The following AHI1 variants were observed in gnomAD, a reference collection of about 807,000 sequenced individuals.
AHI1 encodes jouberin.
In AHI1, 123 loss-of-function variants were observed where a neutral mutation model predicts 149.3. That is an observed-to-expected ratio of 0.82 (90% CI 0.71 to 0.96). AHI1 has a LOEUF of 0.96. Ranked by LOEUF, AHI1 falls within the 40% of genes least tolerant of loss-of-function variation. The pLI is 0.00. For synonymous variants in AHI1, 475 were observed against 459.8 expected (o/e 1.03, Z -0.42); for missense variants, 1,439 against 1,422.7 (o/e 1.01, Z -0.18).
At chr6:135,342,811 CAT>C (rs1409805628) in intron 24 of AHI1, among the ~76,000 whole-genome samples, 1 of 151,658 alleles carries the variant, frequency 6.6e-6, no homozygotes, top group Admixed American at 6.6e-5. Context: ...CACACACACA[CAT>C]ACATAACAGC....
In AHI1 at chr6:135,444,524, T is replaced by G. The variant is rs115259849; in HGVS notation, c.1780-1810A>C. On this transcript the variant is annotated intron_variant, in intron 13 of 28. Transcript: ENST00000265602. ...ATGAAATACCCGCCCTTGTCCCTCC[T>G]TCACTCACCCCTACCTTGAGCATCC... Among the ~76,000 whole-genome samples the G allele has an allele frequency of 5.9e-3, 906 of 152,280 alleles. 13 individuals carry two copies. Among genetic ancestry groups the G allele is most frequent in the African/African-American group, 0.021 (863 of 41,560 alleles).
At chr6:135,402,887 G>A (rs1431982643) in intron 22 of AHI1, among the ~76,000 whole-genome samples, 1 of 152,090 alleles carries the variant, frequency 6.6e-6, no homozygotes, top group Non-Finnish European at 1.5e-5. Context: ...CAGGCGATGA[G>A]TACTTATTTT....
chr6:135,313,966 C>T (rs960134343), intron 26 of AHI1, among the ~76,000 whole-genome samples: 4 of 152,190 alleles, frequency 2.6e-5, no homozygotes, highest in Non-Finnish European at 2.9e-5. Flanking sequence ...CTGTATGTTT[C>T]ATAGCATCAC....
At chr6:135,423,545 T>G (rs1783516620) in intron 20 of AHI1, among the ~76,000 whole-genome samples, 1 of 152,180 alleles carries the variant, frequency 6.6e-6, no homozygotes, top group African/African-American at 2.4e-5. Flanking sequence ...TAATATGAAT[T>G]GTGTTAATAA....
chr6:135,386,539 T>C (rs966885076), intron 23 of AHI1, among the ~76,000 whole-genome samples: 1 of 152,196 alleles, frequency 6.6e-6, no homozygotes, highest in Non-Finnish European at 1.5e-5. Context: ...CTCGATCTCC[T>C]GACCTTGTGA....
At chr6:135,380,482 G>C (rs1294758654) in intron 23 of AHI1, among the ~76,000 whole-genome samples, 1 of 151,994 alleles carries the variant, frequency 6.6e-6, no homozygotes, top group Non-Finnish European at 1.5e-5. Flanking sequence ...ATCTACAAAG[G>C]GTCGTAAAAC....
intron 23 of AHI1, among the ~76,000 whole-genome samples, chr6:135,361,177 C>T (rs572519664): frequency 6.6e-6 from 1 of 152,222 alleles, no homozygotes; most frequent in South Asian, 2.1e-4. Flanking sequence ...ATTAGGATTT[C>T]TTCTACTTCA....
At chr6:135,451,048 GTGC>G (rs1788015456) in intron 11 of AHI1, among the ~76,000 whole-genome samples, 1 of 151,744 alleles carries the variant, frequency 6.6e-6, no homozygotes, top group Admixed American at 6.6e-5. Context: ...CCAGGCTGGA[GTGC>G]AGTGGTACAA....
intron 26 of AHI1, among the ~76,000 whole-genome samples, chr6:135,304,164 G>A (rs1429946821): frequency 1.3e-5 from 2 of 152,128 alleles, no homozygotes; most frequent in East Asian, 3.9e-4. Context: ...AGGCCAACCT[G>A]TGGCCTCAGT....
At chr6:135,425,469 T>C (rs200914630) in intron 20 of AHI1, among the ~76,000 whole-genome samples, 244 of 152,010 alleles carry the variant, frequency 1.6e-3, no homozygotes, top group Non-Finnish European at 3.0e-3. Flanking sequence ...TTCTTACATA[T>C]AGTCAAGCAT....
intron 26 of AHI1, among the ~76,000 whole-genome samples, chr6:135,308,446 G>A (rs1784782634): frequency 6.6e-6 from 1 of 152,136 alleles, no homozygotes; most frequent in Non-Finnish European, 1.5e-5. Flanking sequence ...ATGTTGCCCA[G>A]GCTGGTCTCA....
At chr6:135,392,041 T>C (rs1778587594) in intron 23 of AHI1, among the ~76,000 whole-genome samples, 1 of 152,174 alleles carries the variant, frequency 6.6e-6, no homozygotes, top group Non-Finnish European at 1.5e-5. Flanking sequence ...TTGGAACACA[T>C]AAAGTTTGAG....
At chr6:135,352,753 C>CAT (rs35591417) in intron 24 of AHI1, among the ~76,000 whole-genome samples, 4 of 147,828 alleles carry the variant, frequency 2.7e-5, no homozygotes, top group Non-Finnish European at 6.0e-5. Context: ...TATACACACA[C>CAT]ATATATATAT....
chr6:135,411,500 A>C lies in AHI1; in HGVS notation c.2809T>G (p.Phe937Val). 1 of 1,610,554 alleles carries C rather than the reference A, an allele frequency of 6.2e-7. No homozygotes were observed. Residue 937 changes from phenylalanine (F) to valine (V), a missense_variant, in exon 21 of 29, where the codon TTT becomes GTT. Transcript: ENST00000265602. ...AEMFKRYNGT[F>V]PLPGIHQSQD... ...CTTTGGTGTATTCCAGGTAATGGAA[A>C]TGTTCCATTGTAGCGTTTGAACATT...
At chr6:135,418,790 T>C (rs974093448) in intron 20 of AHI1, among the ~76,000 whole-genome samples, 5 of 152,092 alleles carry the variant, frequency 3.3e-5, no homozygotes, top group African/African-American at 1.2e-4. Flanking sequence ...TATGGTCATC[T>C]TACTGGATAC....
rs536883794 is a variant in AHI1, at chr6:135,456,869, G to A, written c.1151+625C>T. On this transcript the variant is annotated intron_variant, in intron 9 of 28. Transcript: ENST00000265602. ...AACATTACTTTCAAAAGAAAAATAT[G>A]AGGTTAGACAATTAAAGCATTTACA... Among the ~76,000 whole-genome samples, 3 of 152,308 alleles carry A rather than the reference G, an allele frequency of 2.0e-5. No individual in the cohort carries two copies. In the South Asian group the frequency reaches 6.2e-4, roughly 32 times the overall value.
At chr6:135,450,880 G>A (rs757935513) in intron 11 of AHI1, among the ~76,000 whole-genome samples, 4 of 152,186 alleles carry the variant, frequency 2.6e-5, no homozygotes, top group Non-Finnish European at 5.9e-5. Context: ...CTGAGGCATA[G>A]CTGAGAATTA....
chr6:135,295,482 C>A (rs546586935), intron 27 of AHI1, among the ~76,000 whole-genome samples: 4 of 151,924 alleles, frequency 2.6e-5, no homozygotes, highest in South Asian at 2.1e-4. Flanking sequence ...ACAAAAAAAA[C>A]CCCTATGTTC....
intron 27 of AHI1, among the ~76,000 whole-genome samples, chr6:135,299,974 G>T (rs1456375153): frequency 6.6e-6 from 1 of 152,074 alleles, no homozygotes; most frequent in Non-Finnish European, 1.5e-5. Flanking sequence ...TAGTTTAATA[G>T]GATTTCTTAT....
Sources: gnomAD v4.1 joint callset for allele counts (sites outside exome capture counted in the v4.1 genomes callset) on GRCh38, gnomAD v4.1.1 for gene constraint, MANE v1.5 for transcripts, NCBI Gene and HGNC (gene_info 2026-07-23, HGNC 2026-07-21) for gene names.